The following SEMA3A variants were observed in gnomAD, a reference collection of about 807,000 sequenced individuals.
SEMA3A encodes the protein semaphorin 3A, also known as semaphorin-3A.
In SEMA3A, 29 loss-of-function variants were observed where a neutral mutation model predicts 97.9. The observed-to-expected ratio is 0.30, with a 90% CI of 0.22 to 0.40. The LOEUF (loss-of-function observed/expected upper bound fraction) is 0.40, where lower values mean the gene tolerates loss of function less well. Among genes scored for constraint, SEMA3A ranks in the 10% least tolerant of loss-of-function variants. SEMA3A has a pLI of 1.00. For missense variants in SEMA3A, 763 were observed against 951.3 expected (o/e 0.80, Z 2.60); for synonymous variants, 321 against 323.7 (o/e 0.99, Z 0.09).
intron 4 of SEMA3A, among the ~76,000 whole-genome samples, chr7:84,102,178 C>T (rs893370190): frequency 2.6e-5 from 4 of 152,262 alleles, no homozygotes; most frequent in African/African-American, 9.6e-5. Flanking sequence ...TATCACCAAT[C>T]AACTGTGTGA....
At position 83,981,449 on chromosome 7, in the gene SEMA3A, C is replaced by A; in HGVS notation, c.1524G>T (p.Gly508=). The change falls in exon 14 of 17, where the codon GGG becomes GGT. Residue 508 remains glycine (G), a synonymous_variant. Transcript: ENST00000265362. ...ACCGGTGTAAAGGGAGCTGGGCAAC[C>A]CCAGCCGTTGAACCAATATATAGTT... The part of the protein sequence containing the change: ...QQQLYIGSTA[G]VAQLPLHRCD... 1 of 1,612,590 alleles carries A rather than the reference C, an allele frequency of 6.2e-7. No homozygotes were observed. The highest frequency in any genetic ancestry group is 2.2e-5 in the East Asian group (1 of 44,820).
At chr7:84,212,174 A>C (rs1230438656) in intron 3 of SEMA3A, among the ~76,000 whole-genome samples, 1 of 152,220 alleles carries the variant, frequency 6.6e-6, no homozygotes, top group Non-Finnish European at 1.5e-5. Flanking sequence ...AAACTACAAG[A>C]GAAATAATTA....
chr7:84,376,588 A>T (rs1803107241), intron 1 of SEMA3A, among the ~76,000 whole-genome samples: 2 of 93,496 alleles, frequency 2.1e-5, no homozygotes, highest in Non-Finnish European at 4.1e-5. Context: ...TGGGCGACAG[A>T]GCGAGACTCC....
chr7:84,086,738 A>C (rs1794390512), intron 4 of SEMA3A, among the ~76,000 whole-genome samples: 1 of 149,570 alleles, frequency 6.7e-6, no homozygotes, highest in African/African-American at 2.5e-5. Context: ...ATGTGTGTAT[A>C]TATATATTTT....
intron 4 of SEMA3A, among the ~76,000 whole-genome samples, chr7:84,061,792 T>C (rs1289047120): frequency 3.9e-5 from 6 of 152,232 alleles, no homozygotes; most frequent in Non-Finnish European, 8.8e-5. Flanking sequence ...CTACTGTGAA[T>C]GAGAATTACC....
At chr7:84,035,493 AC>A (rs1335553967) in intron 6 of SEMA3A, among the ~76,000 whole-genome samples, 1 of 152,098 alleles carries the variant, frequency 6.6e-6, no homozygotes, top group Non-Finnish European at 1.5e-5. Context: ...ATTATTTAGA[AC>A]ATGTATTTTT....
intron 1 of SEMA3A, among the ~76,000 whole-genome samples, chr7:84,481,748 A>G (rs894585031): frequency 6.6e-6 from 1 of 152,034 alleles, no homozygotes; most frequent in African/African-American, 2.4e-5. Context: ...CCTTTAATAG[A>G]AGACGCAAAT....
chr7:84,492,381 T>G (rs1214449010), intron 1 of SEMA3A: 7 of 152,100 alleles, frequency 4.6e-5, no homozygotes, highest in Non-Finnish European at 1.0e-4. Context: ...TTTTGCACAG[T>G]CTTTAGAGGA....
At chr7:84,185,419 C>T (rs969340420) in intron 1 of SEMA3A, among the ~76,000 whole-genome samples, 1 of 151,824 alleles carries the variant, frequency 6.6e-6, no homozygotes, top group Admixed American at 6.6e-5. Flanking sequence ...TGCCTGTAAT[C>T]CCAGCACTTT....
intron 15 of SEMA3A, among the ~76,000 whole-genome samples, chr7:83,968,733 C>T (rs1424515716): frequency 3.4e-5 from 5 of 149,208 alleles, no homozygotes; most frequent in African/African-American, 1.2e-4. Flanking sequence ...TTAGATAGGT[C>T]ATTTAGCAAA....
At chr7:84,473,141 G>GGTGTGTGTGTGTGTGTGTGTGT (rs61623414) in intron 1 of SEMA3A, among the ~76,000 whole-genome samples, 20 of 141,514 alleles carry the variant, frequency 1.4e-4, no homozygotes, top group African/African-American at 4.4e-4. Flanking sequence ...AAAAAGAAAT[G>GGTGTGTGTGTGTGTGTGTGTGT]GTGTGTGTGT....
intron 1 of SEMA3A, among the ~76,000 whole-genome samples, chr7:84,377,915 G>T (rs1803149590): frequency 2.6e-5 from 4 of 152,198 alleles, no homozygotes; most frequent in Middle Eastern, 6.8e-3. Context: ...AGTTACTGCT[G>T]ATCAAAATCT....
chr7:84,441,021 C>T (rs117293151), intron 1 of SEMA3A, among the ~76,000 whole-genome samples: 6,003 of 151,730 alleles, frequency 0.04, 342 homozygotes, highest in East Asian at 0.19. Context: ...ATCCGGGCGT[C>T]GGGGCGCATG....
chr7:84,036,030 G>C (rs1040300267), intron 6 of SEMA3A, among the ~76,000 whole-genome samples: 21 of 151,966 alleles, frequency 1.4e-4, no homozygotes, highest in African/African-American at 5.1e-4. Flanking sequence ...AGAGAAGACT[G>C]GGTGTATTTA....
chr7:84,149,665 T>A lies in SEMA3A; in HGVS notation c.113-14714A>T, dbSNP rs538766633. ...TCATTAAACTTACTTCTCTACTTCATCACAAAACGTGATTGTGTACCACTG... is the reference window on the plus strand; with the variant it reads ...TCATTAAACTTACTTCTCTACTTCAACACAAAACGTGATTGTGTACCACTG... On this transcript the variant is annotated intron_variant, in intron 1 of 16. Coordinates refer to ENST00000265362, the MANE Select transcript of SEMA3A (RefSeq NM_006080.3). 2.6e-5 allele frequency among the ~76,000 whole-genome samples: 4 copies of A among 152,296 alleles called. No homozygotes were observed. In the East Asian group the frequency reaches 7.7e-4, roughly 29 times the overall value.
chr7:84,003,009 A>G (rs1043432416), intron 11 of SEMA3A, among the ~76,000 whole-genome samples: 5 of 152,124 alleles, frequency 3.3e-5, no homozygotes, highest in African/African-American at 1.2e-4. Flanking sequence ...TCTAGTTCTG[A>G]CTAAACTTGA....
At chr7:84,437,187 C>A (rs190033532) in intron 1 of SEMA3A, among the ~76,000 whole-genome samples, 83 of 151,940 alleles carry the variant, frequency 5.5e-4, no homozygotes, top group Non-Finnish European at 9.6e-4. Flanking sequence ...TATGGTAATT[C>A]AAAGGAAAGT....
chr7:84,144,365 C>T (rs1562810617), intron 1 of SEMA3A, among the ~76,000 whole-genome samples: 2 of 151,730 alleles, frequency 1.3e-5, no homozygotes, highest in Non-Finnish European at 2.9e-5. Context: ...GAAATAGAGG[C>T]TTAATTCTGG....
At chr7:83,976,639 C>T (rs961791356) in intron 15 of SEMA3A, among the ~76,000 whole-genome samples, 1 of 151,854 alleles carries the variant, frequency 6.6e-6, no homozygotes, top group East Asian at 1.9e-4. Context: ...TAAGGGAATA[C>T]CCTACTAGTA....
Sources: gnomAD v4.1 joint callset for allele counts (sites outside exome capture counted in the v4.1 genomes callset) on GRCh38, gnomAD v4.1.1 for gene constraint, MANE v1.5 for transcripts, NCBI Gene and HGNC (gene_info 2026-07-23, HGNC 2026-07-21) for gene names.